CACNA2D3: variants seen among roughly 807,000 people sequenced by gnomAD.
CACNA2D3 encodes the protein voltage-dependent calcium channel subunit alpha-2/delta-3.
Under a neutral mutation model 160.6 loss-of-function variants are expected in CACNA2D3, and 60 were observed. The observed-to-expected ratio is 0.37, with a 90% CI of 0.30 to 0.46. The LOEUF (loss-of-function observed/expected upper bound fraction) is 0.46. Ranked by LOEUF, CACNA2D3 falls within the 20% of genes least tolerant of loss-of-function variation. CACNA2D3 has a pLI of 1.00. For missense variants in CACNA2D3, 1,205 were observed against 1,365.0 expected (o/e 0.88, Z 1.85); for synonymous variants, 558 against 492.9 (o/e 1.13, Z -1.75).
rs746599844 is a variant in CACNA2D3 at position 54,887,956 on chromosome 3, C to T, written c.2057-3C>T. On this transcript the variant is annotated splice_region_variant and splice_polypyrimidine_tract_variant and intron_variant, in intron 23 of 37. Transcript: ENST00000474759. ...GCATCCTCTTGTCTGTCCCTCCCAA[C>T]AGGTGATAAAGAATTGATCCAAGAA... The T allele has an allele frequency of 5.6e-6, 9 of 1,612,900 alleles. No homozygotes were observed. In the African/African-American group the frequency reaches 1.2e-4, roughly 22 times the overall value.
chr3:54,256,415 A>G (rs1702294486), intron 2 of CACNA2D3, among the ~76,000 whole-genome samples: 1 of 152,184 alleles, frequency 6.6e-6, no homozygotes, highest in African/African-American at 2.4e-5. Flanking sequence ...TAAATGGGCT[A>G]GGGGGCCATG....
intron 11 of CACNA2D3, among the ~76,000 whole-genome samples, chr3:54,748,553 G>A (rs771086891): frequency 9.9e-5 from 15 of 151,820 alleles, no homozygotes; most frequent in Non-Finnish European, 1.5e-4. Context: ...CAAAATGAGC[G>A]AAGAGGCTGA....
At chr3:54,390,493 A>G (rs1699260852) in intron 4 of CACNA2D3, among the ~76,000 whole-genome samples, 2 of 152,226 alleles carry the variant, frequency 1.3e-5, no homozygotes, top group South Asian at 4.1e-4. Context: ...CAAAAGCATC[A>G]GAGGGTACCA....
rs780215990 is a variant in CACNA2D3 at position 54,570,024 on chromosome 3, C to T, written c.808C>T (p.Leu270Phe). 3 of 1,614,004 alleles carry T rather than the reference C, an allele frequency of 1.9e-6. No homozygotes were observed. Among genetic ancestry groups the T allele is most frequent in the Non-Finnish European group, 2.5e-6 (3 of 1,179,858 alleles). ...TGACGTCAGTGGCAGCATGAAAGGACTCCGTCTGACTATCGCGAAGCAAAC... is the reference window on the plus strand; with the variant it reads ...TGACGTCAGTGGCAGCATGAAAGGATTCCGTCTGACTATCGCGAAGCAAAC... ...LVDVSGSMKGLRLTIAKQTVS... is the reference protein window; with the variant it reads ...LVDVSGSMKGFRLTIAKQTVS... The change falls in exon 8 of 38, where the codon CTC becomes TTC. Residue 270 changes from leucine (L) to phenylalanine (F), a missense_variant. By Grantham distance (22) the Leu-to-Phe change is conservative. Around this residue, in one of 3 missense-constraint regions of CACNA2D3, gnomAD observed 131 missense variants for 201.5 expected, o/e 0.65. Transcript: ENST00000474759.
intron 35 of CACNA2D3, among the ~76,000 whole-genome samples, chr3:55,027,976 G>C (rs539422044): frequency 1.2e-4 from 19 of 152,184 alleles, no homozygotes; most frequent in Non-Finnish European, 2.8e-4. Flanking sequence ...GAAGAGATCC[G>C]CTGACCCTGG....
intron 14 of CACNA2D3, among the ~76,000 whole-genome samples, chr3:54,832,871 A>G (rs1051987033): frequency 6.6e-6 from 1 of 152,170 alleles, no homozygotes; most frequent in African/African-American, 2.4e-5. Context: ...AAGGAAATCA[A>G]TGAGTAGGTG....
At chr3:54,671,149 C>G (rs1045790690) in intron 11 of CACNA2D3, among the ~76,000 whole-genome samples, 2 of 151,484 alleles carry the variant, frequency 1.3e-5, no homozygotes, top group African/African-American at 4.9e-5. Context: ...CACAAGAAGG[C>G]CCATCCTCCA....
chr3:54,605,557 T>G (rs1043924507), intron 9 of CACNA2D3, among the ~76,000 whole-genome samples: 2 of 152,160 alleles, frequency 1.3e-5, no homozygotes, highest in Non-Finnish European at 1.5e-5. Context: ...ACTTCACTCT[T>G]TCTCACCCAA....
At chr3:54,224,383 G>C (rs1476307041) in intron 2 of CACNA2D3, among the ~76,000 whole-genome samples, 1 of 152,062 alleles carries the variant, frequency 6.6e-6, no homozygotes, top group African/African-American at 2.4e-5. Flanking sequence ...CCATTATCAA[G>C]TATTATGTAC....
chr3:55,043,653 C>T (rs546273976), intron 35 of CACNA2D3, among the ~76,000 whole-genome samples: 1 of 152,008 alleles, frequency 6.6e-6, no homozygotes, highest in South Asian at 2.1e-4. Context: ...CATTGAAATC[C>T]CATTGATTGA....
At chr3:54,155,466 A>G (rs1700229506) in intron 2 of CACNA2D3, among the ~76,000 whole-genome samples, 1 of 152,198 alleles carries the variant, frequency 6.6e-6, no homozygotes, top group African/African-American at 2.4e-5. Flanking sequence ...ACTTCTGCTC[A>G]CATCTATCGG....
intron 27 of CACNA2D3, among the ~76,000 whole-genome samples, chr3:54,935,543 C>T (rs1191922289): frequency 6.6e-6 from 1 of 152,130 alleles, no homozygotes; most frequent in African/African-American, 2.4e-5. Flanking sequence ...TTACTTAGAT[C>T]TTTTGAGTGG....
chr3:54,673,532 T>A (rs1365185168), intron 11 of CACNA2D3, among the ~76,000 whole-genome samples: 1 of 152,212 alleles, frequency 6.6e-6, no homozygotes, highest in Non-Finnish European at 1.5e-5. Context: ...TCCAAATTAG[T>A]GAAATCTGTA....
intron 5 of CACNA2D3, among the ~76,000 whole-genome samples, chr3:54,511,364 C>T (rs542790832): frequency 5.8e-4 from 88 of 151,382 alleles, no homozygotes; most frequent in African/African-American, 2.1e-3. Context: ...TTTTTTCATT[C>T]CCTTGGGACC....
chr3:54,576,436 T>C (rs4955856), intron 8 of CACNA2D3, among the ~76,000 whole-genome samples: 51,828 of 152,024 alleles, frequency 0.34, 9,719 homozygotes, highest in Middle Eastern at 0.43. Flanking sequence ...ATCAAAGTTG[T>C]CTTTCCTATC....
At chr3:54,146,044 T>G (rs1700024432) in intron 2 of CACNA2D3, among the ~76,000 whole-genome samples, 1 of 152,188 alleles carries the variant, frequency 6.6e-6, no homozygotes, top group African/African-American at 2.4e-5. Context: ...ACTTCTAGAA[T>G]TTCTATTATG....
intron 9 of CACNA2D3, among the ~76,000 whole-genome samples, chr3:54,587,522 A>C (rs1702782880): frequency 6.6e-6 from 1 of 152,080 alleles, no homozygotes; most frequent in Non-Finnish European, 1.5e-5. Flanking sequence ...GTGCCACTGC[A>C]CTCCAGCCTG....
chr3:54,456,940 G>A lies in CACNA2D3; in HGVS notation c.382-46552G>A, dbSNP rs531158419. Among the ~76,000 whole-genome samples, 62 of 151,624 alleles carry A rather than the reference G, an allele frequency of 4.1e-4. 1 individual carries two copies. The highest frequency in any genetic ancestry group is 1.5e-3 in the African/African-American group (62 of 41,440). On this transcript the variant is annotated intron_variant, in intron 4 of 37. Coordinates refer to ENST00000474759, the MANE Select transcript of CACNA2D3 (RefSeq NM_018398.3). ...TGTTTGTATTTCTGTAGTATCAGCT[G>A]TAATTCTTTTTTTGTTTCTCATTTT...
intron 15 of CACNA2D3, 90 bp downstream of exon 15, chr3:54,837,320 T>C: frequency 9.8e-7 from 1 of 1,024,746 alleles, no homozygotes; most frequent in Non-Finnish European, 1.5e-6. Flanking sequence ...CTTTTGATTT[T>C]TAAGCATAGG....
Sources: allele counts gnomAD v4.1 joint callset (sites outside exome capture counted in the v4.1 genomes callset), GRCh38; gene constraint gnomAD v4.1.1; regional missense constraint gnomAD v4.1.1; transcripts MANE v1.5; gene names NCBI Gene and HGNC (gene_info 2026-07-23, HGNC 2026-07-21).